Variants in FAM114A2 observed in about 807,000 individuals in gnomAD.
FAM114A2 encodes family with sequence similarity 114 member A2, also known as protein FAM114A2.
FAM114A2 carries 53 observed loss-of-function variants against 58.4 expected under a neutral mutation model. That is an observed-to-expected ratio of 0.91 (90% confidence interval 0.73 to 1.14). FAM114A2 has a LOEUF of 1.14. Among genes scored for constraint, FAM114A2 ranks in the 50% most tolerant of loss-of-function variants. The probability of loss-of-function intolerance (pLI) is 0.00; values close to 1 mark genes in which losing one functional copy is unlikely to be tolerated. For synonymous variants in FAM114A2, 228 were observed against 211.4 expected (o/e 1.08, Z -0.68); for missense variants, 601 against 581.1 (o/e 1.03, Z -0.35).
intron 11 of FAM114A2, among the ~76,000 whole-genome samples, chr5:153,999,524 C>T (rs768287219): frequency 7.2e-5 from 11 of 151,780 alleles, no homozygotes; most frequent in Non-Finnish European, 1.6e-4. Context: ...ATCCCAGCTA[C>T]TCAGGAGGCG....
intron 9 of FAM114A2, among the ~76,000 whole-genome samples, chr5:154,010,682 T>C (rs1581788496): frequency 1.3e-5 from 2 of 152,198 alleles, no homozygotes; most frequent in Non-Finnish European, 2.9e-5. Flanking sequence ...AGAACCTCCC[T>C]ACCCACTCTG....
intron 9 of FAM114A2, among the ~76,000 whole-genome samples, chr5:154,004,300 T>C (rs1039502758): frequency 2.0e-5 from 3 of 152,222 alleles, no homozygotes; most frequent in African/African-American, 7.2e-5. Flanking sequence ...GTATCTTTTA[T>C]ATATTGATCC....
At position 153,992,581 on chromosome 5, in the gene FAM114A2, A is replaced by G. The variant is rs888474949; in HGVS notation, c.*395T>C. 3.2e-5 allele frequency: 5 copies of G among 155,310 alleles called. No individual in the cohort carries two copies. The highest frequency in any genetic ancestry group is 1.2e-4 in the African/African-American group (5 of 41,550). 9.6% of individuals were successfully genotyped at this position (155,310 alleles called of 1,614,324 possible). ...CCACACATGCCATGAATTTTAGAAC[A>G]CTAAATTATTTTTCTCTGGCTTATC... On this transcript the variant is annotated 3_prime_UTR_variant, in exon 14 of 14. Transcript: ENST00000351797.
rs59757780 is a variant in FAM114A2 at position 154,031,312 on chromosome 5, C to CAAAAAA, written c.404-1738_404-1733dup. On this transcript the variant is annotated intron_variant, in intron 4 of 13. Coordinates refer to ENST00000351797, the MANE Select transcript of FAM114A2 (RefSeq NM_018691.4). ...GGGCGACAGAGTGAGACTCCCTCTC[C>CAAAAAA]AAAAAAAAAAAAAAAAGCCTTAAAG... Among the ~76,000 whole-genome samples the CAAAAAA allele has an allele frequency of 8.1e-3, 385 of 47,806 alleles. 26 individuals are homozygous for CAAAAAA. The highest frequency in any genetic ancestry group is 0.021 in the Admixed American group (59 of 2,828). 31.4% of individuals were successfully genotyped at this position (47,806 alleles called of 152,430 possible).
intron 11 of FAM114A2, among the ~76,000 whole-genome samples, chr5:154,001,712 C>A (rs566282878): frequency 1.3e-5 from 2 of 152,166 alleles, no homozygotes; most frequent in South Asian, 2.1e-4. Flanking sequence ...TTGTACAAAT[C>A]AGCAATAAAA....
At chr5:154,002,161 T>A in intron 11 of FAM114A2, 90 bp downstream of exon 11, 2 of 1,275,196 alleles carry the variant, frequency 1.6e-6, no homozygotes, top group Non-Finnish European at 2.3e-6. Context: ...CGTGAATGGT[T>A]TCTTGAGAGA....
chr5:154,012,495 G>C (rs1042489523), intron 8 of FAM114A2, among the ~76,000 whole-genome samples: 1 of 152,170 alleles, frequency 6.6e-6, no homozygotes, highest in African/African-American at 2.4e-5. Context: ...ACAGTCTATA[G>C]AATATTTCTT....
At position 154,002,950 on chromosome 5, in the gene FAM114A2, T is replaced by C. The variant is rs761958257; in HGVS notation, c.1013A>G (p.Glu338Gly). 5.6e-6 allele frequency: 9 copies of C among 1,613,862 alleles called. No homozygotes were observed. The highest frequency in any genetic ancestry group is 7.6e-6 in the Non-Finnish European group (9 of 1,179,886). ...CTTGGTCAGAGACTTCCTGATCCAT[T>C]CGTGGGCGGTATTTCTTGCCTAAAT... is the stretch of plus-strand genomic sequence containing the variant. ...KLARARNTAHEWIRKSLTKPL... is the reference protein window; with the variant it reads ...KLARARNTAHGWIRKSLTKPL... Residue 338 changes from glutamate to glycine, a missense_variant, in exon 10 of 14, where the codon GAA becomes GGA. Physicochemically the swap from Glu to Gly is moderately conservative, Grantham distance 98. Transcript: ENST00000351797.
At chr5:154,011,496 G>A (rs1046471395) in intron 8 of FAM114A2, among the ~76,000 whole-genome samples, 176 bp from the exon 9 acceptor site, 5 of 152,130 alleles carry the variant, frequency 3.3e-5, no homozygotes, top group Non-Finnish European at 7.4e-5. Flanking sequence ...ATCCTTTTAC[G>A]TATATCAATA....
In FAM114A2 at chr5:154,034,324, C is replaced by T. The variant is rs752962129; in HGVS notation, c.264G>A (p.Trp88Ter). The T allele has an allele frequency of 6.2e-7, 1 of 1,600,704 alleles. No homozygotes were observed. Among genetic ancestry groups the T allele is most frequent in the East Asian group, 2.2e-5 (1 of 44,482 alleles). Residue 88 changes from tryptophan (W) to a stop codon, truncating the protein, a stop_gained, in exon 3 of 14, where the codon TGG becomes TGA. Coordinates refer to ENST00000351797, the MANE Select transcript of FAM114A2 (RefSeq NM_018691.4). LOFTEE classifies it high-confidence loss of function. The stretch of plus-strand genomic sequence containing the variant: ...AGGCTGAGGAGAGTATGGACTTGCC[C>T]CAGCTCCCCCAATAACCCCATCTGG... ...PQTRWGYWGSWGKSILSSASA... is the reference protein window; with the variant it reads ...PQTRWGYWGS
chr5:154,010,770 TC>T (rs557225194), intron 9 of FAM114A2, among the ~76,000 whole-genome samples: 90 of 152,288 alleles, frequency 5.9e-4, no homozygotes, highest in African/African-American at 2.1e-3. Context: ...AGGGCCTTGG[TC>T]ATAATACTCT....
At chr5:153,997,987 G>GAGT in intron 11 of FAM114A2, 112 bp from the exon 12 acceptor site, 1 of 665,656 alleles carries the variant, frequency 1.5e-6, no homozygotes, top group Non-Finnish European at 2.6e-6. Flanking sequence ...TGTGAAAGAA[G>GAGT]AAAGCTTTTC....
intron 8 of FAM114A2, among the ~76,000 whole-genome samples, chr5:154,023,933 A>C (rs571610848): frequency 3.9e-5 from 6 of 152,306 alleles, no homozygotes; most frequent in African/African-American, 1.4e-4. Flanking sequence ...AGTTAACTTT[A>C]TGTTTCCTGT....
intron 8 of FAM114A2, among the ~76,000 whole-genome samples, chr5:154,025,988 AT>A (rs1156321335): frequency 6.6e-6 from 1 of 152,234 alleles, no homozygotes; most frequent in African/African-American, 2.4e-5. Flanking sequence ...GCATGCTTCA[AT>A]TCAAGACAGA....
At position 154,034,806 on chromosome 5, in the gene FAM114A2, G is replaced by T. The variant is rs779295355; in HGVS notation, c.148C>A (p.Arg50=). The T allele has an allele frequency of 6.2e-7, 1 of 1,613,916 alleles. No individual in the cohort carries two copies. Among genetic ancestry groups the T allele is most frequent in the South Asian group, 1.1e-5 (1 of 91,076 alleles). The change falls in exon 2 of 14, where the codon CGG becomes AGG. Residue 50 remains arginine, a synonymous_variant. Transcript: ENST00000351797. The part of the protein sequence containing the change: ...ESKSEPVVST[R]KRPETKPSSD... ...GAAGGTTTGGTCTCTGGTCTTTTCC[G>T]AGTGGAAACTACAGGTTCTGATTTA...
chr5:154,029,275 C>A (rs944325648), intron 5 of FAM114A2, among the ~76,000 whole-genome samples: 1 of 152,178 alleles, frequency 6.6e-6, no homozygotes, highest in African/African-American at 2.4e-5. Context: ...TTTATTGCTA[C>A]TCCTTTATTT....
At chr5:153,993,140 A>C (rs1769340199) in intron 13 of FAM114A2, 30 bp from the exon 14 acceptor site, 1 of 1,585,624 alleles carries the variant, frequency 6.3e-7, no homozygotes, top group Non-Finnish European at 8.6e-7. Flanking sequence ...AAGAAAAAGA[A>C]AATATTAGTT....
intron 7 of FAM114A2, 30 bp downstream of exon 7, chr5:154,027,146 T>C (rs765426978): frequency 2.5e-6 from 4 of 1,576,710 alleles, no homozygotes; most frequent in Non-Finnish European, 1.7e-6. Flanking sequence ...TTGAAGACTT[T>C]TTCCAGTTGA....
chr5:154,026,434 G>A lies in FAM114A2; in HGVS notation c.878C>T (p.Ala293Val). ...LEQLKETFSL[A>V]EFCEEEEEEK... The stretch of plus-strand genomic sequence containing the variant: ...TTCTTCCTCTTCTTCACAAAATTCT[G>A]CTAGAGAAAATGTTTCTTTGAGTTG... Residue 293 changes from alanine to valine, a missense_variant, in exon 8 of 14, where the codon GCA becomes GTA. Transcript: ENST00000351797. 6.3e-7 allele frequency: 1 copy of A among 1,577,846 alleles called. No homozygotes were observed. Among genetic ancestry groups the A allele is most frequent in the African/African-American group, 1.4e-5 (1 of 72,836 alleles).
Sources: allele counts gnomAD v4.1 joint callset (sites outside exome capture counted in the v4.1 genomes callset), GRCh38; gene constraint gnomAD v4.1.1; transcripts MANE v1.5; gene names NCBI Gene and HGNC (gene_info 2026-07-23, HGNC 2026-07-21).